Variants in HIVEP3 observed in about 807,000 individuals in gnomAD.
HIVEP3 encodes transcription factor HIVEP3.
A neutral mutation model predicts 152.8 loss-of-function variants in HIVEP3; 49 were observed. The observed-to-expected ratio is 0.32, with a 90% CI of 0.26 to 0.41. The LOEUF is 0.41. HIVEP3 is among the 10% of genes least tolerant of loss of function. HIVEP3 has a pLI of 1.00. For missense variants in HIVEP3, 2,790 were observed against 3,103.3 expected, an observed-to-expected ratio of 0.90 and a Z score of 2.40; for synonymous variants, 1,269 against 1,289.0, an observed-to-expected ratio of 0.98 and a Z score of 0.33.
rs35823066 is a variant in HIVEP3 at position 41,723,501 on chromosome 1, CCACA to C, written c.-800-22510_-800-22507del. ...TCATACACACACACACACACAGCCA[CCACA>C]CACACACACACACACACACACACAC... On this transcript the variant is annotated intron_variant, in intron 1 of 8. Transcript: ENST00000372583. Among the ~76,000 whole-genome samples, 291 of 146,244 alleles carry C rather than the reference CCACA, an allele frequency of 2.0e-3. 1 individual carries two copies. The East Asian group carries it at 0.021, about 10-fold the overall frequency.
At chr1:41,784,248 A>C (rs1649217404) in intron 1 of HIVEP3, among the ~76,000 whole-genome samples, 1 of 152,254 alleles carries the variant, frequency 6.6e-6, no homozygotes, top group Non-Finnish European at 1.5e-5. Flanking sequence ...GTAAGGTTTA[A>C]GCACATACTT....
chr1:41,568,156 G>A (rs929045951), intron 5 of HIVEP3, among the ~76,000 whole-genome samples: 3 of 152,232 alleles, frequency 2.0e-5, no homozygotes, highest in Admixed American at 2.0e-4. Flanking sequence ...CTTACAGTCT[G>A]GTGGAGGAAA....
intron 1 of HIVEP3, among the ~76,000 whole-genome samples, chr1:41,888,908 A>G (rs1644398567): frequency 6.9e-6 from 1 of 145,234 alleles, no homozygotes; most frequent in Admixed American, 6.9e-5. Context: ...CACGTACACC[A>G]TATACCTCAC....
At chr1:41,530,695 C>G (rs1369386761) in intron 5 of HIVEP3, among the ~76,000 whole-genome samples, 2 of 152,234 alleles carry the variant, frequency 1.3e-5, no homozygotes, top group African/African-American at 2.4e-5. Context: ...GATCCCCACA[C>G]AGGCCCACAG....
At chr1:41,989,652 A>G (rs935900327) in intron 1 of HIVEP3, among the ~76,000 whole-genome samples, 10 of 152,174 alleles carry the variant, frequency 6.6e-5, no homozygotes, top group African/African-American at 2.4e-4. Flanking sequence ...ACAACAACAA[A>G]AAAAGCCATA....
At chr1:41,727,318 C>G (rs1299389718) in intron 1 of HIVEP3, among the ~76,000 whole-genome samples, 1 of 152,220 alleles carries the variant, frequency 6.6e-6, no homozygotes, top group Non-Finnish European at 1.5e-5. Flanking sequence ...ACAGCCACCT[C>G]AGCTTCCCCA....
At chr1:41,727,363 T>A (rs1368603295) in intron 1 of HIVEP3, among the ~76,000 whole-genome samples, 1 of 152,162 alleles carries the variant, frequency 6.6e-6, no homozygotes, top group Non-Finnish European at 1.5e-5. Context: ...AGCCCCTTCC[T>A]GTGCCTGACC....
At chr1:41,951,878 A>G (rs1645110960) in intron 1 of HIVEP3, among the ~76,000 whole-genome samples, 1 of 152,192 alleles carries the variant, frequency 6.6e-6, no homozygotes, top group South Asian at 2.1e-4. Flanking sequence ...TGGGGAGTAC[A>G]ATTCAAGATG....
At chr1:41,551,140 G>A (rs1031597037) in intron 5 of HIVEP3, among the ~76,000 whole-genome samples, 7 of 152,156 alleles carry the variant, frequency 4.6e-5, no homozygotes, top group Non-Finnish European at 8.8e-5. Context: ...TAATCATGTG[G>A]TTTTTGTCGA....
At chr1:41,882,993 G>A (rs1644287418) in intron 1 of HIVEP3, among the ~76,000 whole-genome samples, 1 of 152,110 alleles carries the variant, frequency 6.6e-6, no homozygotes, top group South Asian at 2.1e-4. Flanking sequence ...GGTCTGTCTA[G>A]GAGCGGGGAG....
chr1:41,654,603 C>T (rs1398888013), intron 2 of HIVEP3, among the ~76,000 whole-genome samples: 1 of 152,228 alleles, frequency 6.6e-6, no homozygotes, highest in Non-Finnish European at 1.5e-5. Flanking sequence ...AGAACTAAGA[C>T]ATTAACATTG....
intron 1 of HIVEP3, among the ~76,000 whole-genome samples, chr1:42,018,048 A>G (rs1645533839): frequency 6.6e-6 from 1 of 152,040 alleles, no homozygotes; most frequent in African/African-American, 2.4e-5. Flanking sequence ...AACTTTTAAC[A>G]TATTTGTAAG....
chr1:41,727,320 G>A (rs1646767207), intron 1 of HIVEP3, among the ~76,000 whole-genome samples: 1 of 152,210 alleles, frequency 6.6e-6, no homozygotes, highest in African/African-American at 2.4e-5. Flanking sequence ...AGCCACCTCA[G>A]CTTCCCCACC....
intron 1 of HIVEP3, among the ~76,000 whole-genome samples, chr1:41,846,562 G>A (rs1430677978): frequency 1.3e-5 from 2 of 152,230 alleles, no homozygotes; most frequent in Non-Finnish European, 1.5e-5. Context: ...ACACCTGAAC[G>A]TGTTCGCTGT....
intron 1 of HIVEP3, among the ~76,000 whole-genome samples, chr1:42,007,590 A>G (rs1645467178): frequency 6.6e-6 from 1 of 152,190 alleles, no homozygotes; most frequent in Non-Finnish European, 1.5e-5. Context: ...TTCCAGTGTG[A>G]TAGCAACATG....
intron 3 of HIVEP3, among the ~76,000 whole-genome samples, chr1:41,598,608 A>C (rs918578416): frequency 3.9e-5 from 6 of 152,094 alleles, no homozygotes; most frequent in Non-Finnish European, 8.8e-5. Context: ...TCATTTCTTC[A>C]TTTCTCCACT....
At chr1:41,958,167 C>G (rs1404858000) in intron 1 of HIVEP3, among the ~76,000 whole-genome samples, 1 of 152,188 alleles carries the variant, frequency 6.6e-6, no homozygotes, top group Non-Finnish European at 1.5e-5. Context: ...GCTGCGGCAG[C>G]TCCCGGCTGC....
intron 1 of HIVEP3, among the ~76,000 whole-genome samples, chr1:41,786,754 C>CTTT (rs111637699): frequency 2.7e-4 from 38 of 140,938 alleles, no homozygotes; most frequent in African/African-American, 9.4e-4. Flanking sequence ...AATTTTCTTT[C>CTTT]TTTTTTTTTT....
intron 7 of HIVEP3, among the ~76,000 whole-genome samples, chr1:41,514,080 AAAGT>A (rs1408860832): frequency 1.3e-5 from 2 of 152,218 alleles, no homozygotes; most frequent in East Asian, 1.9e-4. Flanking sequence ...GAGGTAAGAG[AAAGT>A]AAGTAACTTG....
Sources: allele counts gnomAD v4.1 joint callset (sites outside exome capture counted in the v4.1 genomes callset), GRCh38; gene constraint gnomAD v4.1.1; transcripts MANE v1.5; gene names NCBI Gene and HGNC (gene_info 2026-07-23, HGNC 2026-07-21).